KALRN: variants seen among roughly 807,000 people sequenced by gnomAD.
The protein encoded by KALRN is kalirin.
A neutral mutation model predicts 353.7 loss-of-function variants in KALRN; 70 were observed. That is an observed-to-expected ratio of 0.20 (90% CI 0.16 to 0.24). The LOEUF (loss-of-function observed/expected upper bound fraction) is 0.24. Among genes scored for constraint, KALRN ranks in the 10% least tolerant of loss-of-function variants. The pLI is 1.00. For synonymous variants in KALRN, 1,391 were observed against 1,434.8 expected (o/e 0.97, Z 0.69); for missense variants, 2,791 against 3,756.7 (o/e 0.74, Z 6.72).
At position 124,334,212 on chromosome 3, in the gene KALRN, G is replaced by C; in HGVS notation, c.1417-53G>C. 2 of 1,466,852 alleles carry C rather than the reference G, an allele frequency of 1.4e-6. No individual in the cohort carries two copies. Among genetic ancestry groups the C allele is most frequent in the Non-Finnish European group, 1.9e-6 (2 of 1,047,252 alleles). 90.9% of individuals were successfully genotyped at this position (1,466,852 alleles called of 1,614,324 possible). ...AGGCAGACACTTCCTGCTTCTCTCTGTGCCCTGCCTATCACCCTTTTCCCT... is the reference window on the plus strand; with the variant it reads ...AGGCAGACACTTCCTGCTTCTCTCTCTGCCCTGCCTATCACCCTTTTCCCT... On this transcript the variant is annotated intron_variant, in intron 8 of 59. Transcript: ENST00000682506. This position sits in a 1 kb window ranked among gnomAD's most constrained non-coding sequence, Gnocchi z 4.2.
In KALRN at chr3:124,519,054, C is replaced by T. The variant is rs923552204; in HGVS notation, c.4935+22641C>T. ...ACACTGGCAACAACCACTTCCTCAACAATTTTTCTATTTGCTTCAGCCTAC... is the reference window on the plus strand; with the variant it reads ...ACACTGGCAACAACCACTTCCTCAATAATTTTTCTATTTGCTTCAGCCTAC... On this transcript the variant is annotated intron_variant, in intron 33 of 59. Coordinates refer to ENST00000682506, the MANE Select transcript of KALRN (RefSeq NM_001388419.1). The T allele has an allele frequency of 8.1e-6, 8 of 985,916 alleles. No homozygotes were observed. In the South Asian group the frequency reaches 2.3e-4, roughly 29 times the overall value. The allele number at this position is 985,916 out of a possible 1,614,324, so 61.1% of individuals were successfully genotyped here. A position where few individuals can be genotyped will look rare whatever the true frequency, so the allele number is the denominator to read the frequency against.
At chr3:124,256,962 C>T (rs1192831413) in intron 3 of KALRN, among the ~76,000 whole-genome samples, 1 of 152,172 alleles carries the variant, frequency 6.6e-6, no homozygotes, top group East Asian at 1.9e-4. Context: ...CCTCATTAGG[C>T]CAAGAGGAGG....
chr3:124,248,457 G>A (rs564413555), intron 3 of KALRN, among the ~76,000 whole-genome samples: 2 of 152,278 alleles, frequency 1.3e-5, no homozygotes, highest in Admixed American at 1.3e-4. Flanking sequence ...GAGCATGGAT[G>A]TACCTGCGAG....
At chr3:124,319,884 C>T (rs1394672196) in intron 6 of KALRN, among the ~76,000 whole-genome samples, 1 of 151,982 alleles carries the variant, frequency 6.6e-6, no homozygotes, top group African/African-American at 2.4e-5. Context: ...ATCGCAGCTA[C>T]TCAGGAGGCT....
intron 34 of KALRN, among the ~76,000 whole-genome samples, chr3:124,596,908 C>T (rs2076319749): frequency 6.6e-6 from 1 of 152,034 alleles, no homozygotes; most frequent in Admixed American, 6.6e-5. Flanking sequence ...ATTAGCCAGG[C>T]ATTGGTGGTG....
intron 1 of KALRN, among the ~76,000 whole-genome samples, chr3:124,226,067 G>T (rs1386086107): frequency 6.6e-6 from 1 of 152,090 alleles, no homozygotes; most frequent in South Asian, 2.1e-4. Flanking sequence ...TTTCACAAAG[G>T]AAAATCATGT....
At chr3:124,293,929 T>TATTCATTC (rs369564400) in intron 5 of KALRN, among the ~76,000 whole-genome samples, 1 of 152,120 alleles carries the variant, frequency 6.6e-6, no homozygotes, top group Non-Finnish European at 1.5e-5. Flanking sequence ...CAACTCATAG[T>TATTCATTC]ATTCATTCAT....
At chr3:124,690,698 G>C (rs946495884) in intron 51 of KALRN, among the ~76,000 whole-genome samples, 1 of 152,202 alleles carries the variant, frequency 6.6e-6, no homozygotes, top group Non-Finnish European at 1.5e-5. Flanking sequence ...ATCTCACCTA[G>C]GAAATGGGGA....
In KALRN at chr3:124,077,213, A is replaced by G. The variant is rs1467224963; in HGVS notation, c.73+43400A>G. Reference sequence around the variant, plus strand: ...CAGAGGAGAGTAGACCTGGGTGGACATGGTTGTGTGATGTCTCATGTCGCA... The same window carrying G: ...CAGAGGAGAGTAGACCTGGGTGGACGTGGTTGTGTGATGTCTCATGTCGCA... On this transcript the variant is annotated intron_variant, in intron 1 of 59. Transcript: ENST00000682506. Among the ~76,000 whole-genome samples, 7 of 152,266 alleles carry G rather than the reference A, an allele frequency of 4.6e-5. No homozygotes were observed. The East Asian group carries it at 1.4e-3, about 29-fold the overall frequency.
At chr3:124,600,506 G>A (rs1005859829) in intron 34 of KALRN, among the ~76,000 whole-genome samples, 11 of 152,226 alleles carry the variant, frequency 7.2e-5, no homozygotes, top group Admixed American at 7.2e-4. Context: ...GAATGGCTTT[G>A]CCAAGTCAGG....
chr3:124,550,930 A>G (rs768790491), intron 33 of KALRN, among the ~76,000 whole-genome samples: 1 of 152,156 alleles, frequency 6.6e-6, no homozygotes, highest in East Asian at 1.9e-4. Context: ...TGGAGCTTGC[A>G]GTGAGCCGAG....
intron 1 of KALRN, among the ~76,000 whole-genome samples, chr3:124,090,403 T>C (rs996590672): frequency 1.3e-5 from 2 of 152,224 alleles, no homozygotes; most frequent in African/African-American, 4.8e-5. Flanking sequence ...TCCCTCCTGC[T>C]GCCTGGCCTG....
At chr3:124,118,793 G>A (rs553583460) in intron 1 of KALRN, among the ~76,000 whole-genome samples, 2 of 152,152 alleles carry the variant, frequency 1.3e-5, no homozygotes, top group Non-Finnish European at 2.9e-5. Context: ...TCATTTAATT[G>A]TCACAACTCT....
chr3:124,527,423 C>G (rs1246837967), intron 33 of KALRN, among the ~76,000 whole-genome samples: 1 of 151,964 alleles, frequency 6.6e-6, no homozygotes. Context: ...TCCTGGCTAA[C>G]ACGGTGAAAC....
At chr3:124,124,890 C>T (rs750379497) in intron 1 of KALRN, among the ~76,000 whole-genome samples, 4 of 152,130 alleles carry the variant, frequency 2.6e-5, no homozygotes, top group African/African-American at 4.8e-5. Flanking sequence ...TATATGTACT[C>T]GGAAAACAAA....
intron 1 of KALRN, among the ~76,000 whole-genome samples, chr3:124,067,134 G>A (rs144519100): frequency 6.6e-6 from 1 of 152,192 alleles, no homozygotes; most frequent in East Asian, 1.9e-4. Flanking sequence ...GAGGCAAAGT[G>A]ATTAGTCCAC....
chr3:124,502,790 T>C (rs1034065838), intron 33 of KALRN, among the ~76,000 whole-genome samples: 2 of 152,202 alleles, frequency 1.3e-5, no homozygotes, highest in African/African-American at 4.8e-5. Context: ...CACAGACCAC[T>C]GTGTTTTGCC....
At chr3:124,195,152 C>T (rs2075304402) in intron 1 of KALRN, among the ~76,000 whole-genome samples, 1 of 152,186 alleles carries the variant, frequency 6.6e-6, no homozygotes, top group Admixed American at 6.5e-5. Context: ...CACATACACT[C>T]TTTCAGAGGG....
chr3:124,148,850 G>A (rs1307646718), intron 1 of KALRN, among the ~76,000 whole-genome samples: 1 of 152,140 alleles, frequency 6.6e-6, no homozygotes, highest in Admixed American at 6.5e-5. Context: ...TGGCTAGCAA[G>A]GAAGATAGAA....
Sources: gnomAD v4.1 joint callset for allele counts (sites outside exome capture counted in the v4.1 genomes callset) on GRCh38, gnomAD v4.1.1 for gene constraint, Gnocchi (gnomAD v3.1) non-coding constraint, MANE v1.5 for transcripts, NCBI Gene and HGNC (gene_info 2026-07-23, HGNC 2026-07-21) for gene names.